The following ZPBP variants were observed in gnomAD, a reference collection of about 807,000 sequenced individuals.
ZPBP encodes the protein zona pellucida-binding protein 1.
ZPBP carries 26 observed loss-of-function variants against 44.8 expected under a neutral mutation model. The observed-to-expected ratio is 0.58, with a 90% confidence interval of 0.43 to 0.81. ZPBP has a LOEUF of 0.81. ZPBP is among the 30% of genes least tolerant of loss of function. The pLI, the probability that ZPBP is intolerant of heterozygous loss-of-function variation, is 0.00. For missense variants in ZPBP, 409 were observed against 434.0 expected (o/e 0.94, Z 0.51); for synonymous variants, 174 against 153.2 (o/e 1.14, Z -1.00).
downstream of ZPBP, among the ~76,000 whole-genome samples, chr7:49,849,367 G>T (rs984470369): frequency 6.6e-6 from 1 of 152,208 alleles, no homozygotes; most frequent in Non-Finnish European, 1.5e-5. Flanking sequence ...TGGCTAAGAA[G>T]GGAGTTTAGA....
intron 7 of ZPBP, among the ~76,000 whole-genome samples, chr7:49,958,300 A>T (rs1214859019): frequency 6.6e-6 from 1 of 152,226 alleles, no homozygotes; most frequent in East Asian, 1.9e-4. Context: ...GCTACTGGAT[A>T]AAAATGACTG....
At position 49,880,828 on chromosome 7, in the gene ZPBP, C is replaced by T. The variant is rs149608587; in HGVS notation, n.509+20290G>A. ...AAGTTTACATGGCTTCATTATGCCA[C>T]GGGAAGCTCTTCATTTTTGCCTATG... On this transcript the variant is annotated intron_variant and non_coding_transcript_variant, in intron 2 of 2. Coordinates refer to the ZPBP transcript ENST00000465922. 1.6e-3 allele frequency among the ~76,000 whole-genome samples: 245 copies of T among 152,124 alleles called. 3 individuals are homozygous for T. The highest frequency in any genetic ancestry group is 5.5e-3 in the African/African-American group (228 of 41,518).
chr7:49,853,514 G>C (rs1790282705), intron 2 of ZPBP, among the ~76,000 whole-genome samples: 1 of 151,992 alleles, frequency 6.6e-6, no homozygotes, highest in Non-Finnish European at 1.5e-5. Context: ...AGTGGAATAA[G>C]ATAGGTCCTA....
At chr7:50,010,497 C>T (rs933287492) in intron 6 of ZPBP, among the ~76,000 whole-genome samples, 4 of 152,018 alleles carry the variant, frequency 2.6e-5, no homozygotes, top group South Asian at 2.1e-4. Context: ...ACATCTTTGA[C>T]GGGAAATGTA....
At chr7:49,866,990 G>A (rs1448656757) in intron 2 of ZPBP, among the ~76,000 whole-genome samples, 1 of 152,184 alleles carries the variant, frequency 6.6e-6, no homozygotes, top group Non-Finnish European at 1.5e-5. Flanking sequence ...AAAATCATAA[G>A]TGAAACTTTA....
At position 50,001,617 on chromosome 7, in the gene ZPBP, A is replaced by G. The variant is rs968080504; in HGVS notation, c.783+16623T>C. 2.0e-5 allele frequency among the ~76,000 whole-genome samples: 3 copies of G among 152,208 alleles called. No homozygotes were observed. The South Asian group carries it at 6.2e-4, about 32-fold the overall frequency. Reference sequence around the variant, plus strand: ...GACAAAATACATGAAACAATAGTTTACAAGACACACACTGGGCATCTTGCA... The same window carrying G: ...GACAAAATACATGAAACAATAGTTTGCAAGACACACACTGGGCATCTTGCA... On this transcript the variant is annotated intron_variant, in intron 6 of 7. Transcript: ENST00000046087.
chr7:49,892,091 C>A (rs943499775), intron 2 of ZPBP, among the ~76,000 whole-genome samples: 9 of 109,068 alleles, frequency 8.3e-5, no homozygotes, highest in African/African-American at 2.8e-4. Flanking sequence ...GTGGCCCAGG[C>A]GGGAGTGCAG....
chr7:49,968,761 G>C (rs1264578080), intron 7 of ZPBP, among the ~76,000 whole-genome samples: 2 of 151,848 alleles, frequency 1.3e-5, no homozygotes, highest in Non-Finnish European at 2.9e-5. Context: ...ACAGCTATTA[G>C]TAATTAATAG....
At chr7:49,871,836 T>C (rs961082705) in intron 2 of ZPBP, among the ~76,000 whole-genome samples, 2 of 151,148 alleles carry the variant, frequency 1.3e-5, no homozygotes, top group African/African-American at 2.4e-5. Context: ...AAGACATACA[T>C]ACATGTACAT....
chr7:49,873,923 A>C (rs1480525377), intron 2 of ZPBP, among the ~76,000 whole-genome samples: 1 of 151,694 alleles, frequency 6.6e-6, no homozygotes, highest in African/African-American at 2.4e-5. Context: ...AAAAAACAAC[A>C]AAAAAAAGAT....
chr7:49,885,361 A>C (rs1026431615), intron 2 of ZPBP, among the ~76,000 whole-genome samples: 11 of 152,266 alleles, frequency 7.2e-5, no homozygotes, highest in African/African-American at 2.4e-4. Flanking sequence ...AATATCTCTG[A>C]AAGTAAAACT....
rs1288872918 is a variant in ZPBP at position 49,969,841 on chromosome 7, A to AAG, written c.961+13500_961+13501insCT. ...TATAGAGAGAGAGAGAGAGAGAGAG[A>AAG]GAGAAAGAGAAAGAGAGAGAGAGAC... On this transcript the variant is annotated intron_variant, in intron 7 of 7. Transcript: ENST00000046087. Among the ~76,000 whole-genome samples, 11 of 64,796 alleles carry AAG rather than the reference A, an allele frequency of 1.7e-4. No homozygotes were observed. The East Asian group carries it at 1.0e-2, about 59-fold the overall frequency. 42.5% of individuals were successfully genotyped at this position (64,796 alleles called of 152,430 possible).
Position 49,970,856 on chromosome 7 carries a change from T to TAATAAATA in ZPBP, c.961+12478_961+12485dup, listed in dbSNP as rs148724446. On this transcript the variant is annotated intron_variant, in intron 7 of 7. Coordinates refer to ENST00000046087, the MANE Select transcript of ZPBP (RefSeq NM_007009.3). The stretch of plus-strand genomic sequence containing the variant: ...ATAGTGAGATCCAGTCTCTACAAAA[T>TAATAAATA]AATAAATAAATAAATAAATAAATAA... 5.5e-3 allele frequency among the ~76,000 whole-genome samples: 786 copies of TAATAAATA among 142,572 alleles called. 5 individuals are homozygous for TAATAAATA. The highest frequency in any genetic ancestry group is 0.017 in the Middle Eastern group (5 of 286). 93.5% of individuals were successfully genotyped at this position (142,572 alleles called of 152,430 possible). A position where few individuals can be genotyped will look rare whatever the true frequency, so the allele number is the denominator to read the frequency against.
intron 1 of ZPBP, among the ~76,000 whole-genome samples, chr7:49,907,207 G>A (rs899572864): frequency 2.6e-5 from 4 of 152,122 alleles, no homozygotes; most frequent in Admixed American, 6.5e-5. Flanking sequence ...AGTTACACTC[G>A]AAGGATAAAT....
chr7:49,883,815 A>C (rs1214900983), intron 2 of ZPBP, among the ~76,000 whole-genome samples: 1 of 152,206 alleles, frequency 6.6e-6, no homozygotes, highest in Admixed American at 6.5e-5. Context: ...CAATGAACAG[A>C]GCCTAATTCA....
At chr7:50,086,262 G>GTTA (rs1477404225) in intron 2 of ZPBP, among the ~76,000 whole-genome samples, 1 of 151,988 alleles carries the variant, frequency 6.6e-6, no homozygotes, top group African/African-American at 2.4e-5. Flanking sequence ...GTGTTGCTAT[G>GTTA]TTATACTATT....
At chr7:50,005,444 T>A (rs949023093) in intron 6 of ZPBP, among the ~76,000 whole-genome samples, 9 of 152,068 alleles carry the variant, frequency 5.9e-5, no homozygotes, top group Non-Finnish European at 1.2e-4. Flanking sequence ...TTTATATTAA[T>A]GGACACACAG....
At chr7:50,033,894 T>C (rs901521080) in intron 4 of ZPBP, among the ~76,000 whole-genome samples, 1 of 151,988 alleles carries the variant, frequency 6.6e-6, no homozygotes, top group Admixed American at 6.6e-5. Context: ...GGTTTCACTA[T>C]GTTGGCTAGT....
chr7:49,909,918 ACATAGAAAGACCT>A (rs1056739355), intron 1 of ZPBP, among the ~76,000 whole-genome samples: 2 of 152,108 alleles, frequency 1.3e-5, no homozygotes, highest in East Asian at 3.9e-4. Context: ...AGCCTGGGCA[ACATAGAAAGACCT>A]CATATCTCCA....
Sources: allele counts gnomAD v4.1 joint callset (sites outside exome capture counted in the v4.1 genomes callset), GRCh38; gene constraint gnomAD v4.1.1; transcripts MANE v1.5; gene names NCBI Gene and HGNC (gene_info 2026-07-23, HGNC 2026-07-21).